GABBR2: variants seen among roughly 807,000 people sequenced by gnomAD.
GABBR2 encodes G-protein coupled receptor 51.
In GABBR2, 23 loss-of-function variants were observed where a neutral mutation model predicts 105.6. The observed-to-expected ratio is 0.22, with a 90% CI of 0.16 to 0.31. The LOEUF is 0.31. Among genes scored for constraint, GABBR2 ranks in the 10% least tolerant of loss-of-function variants. GABBR2 has a pLI of 1.00. For missense variants in GABBR2, 734 were observed against 1,245.5 expected (o/e 0.59, Z 6.18); for synonymous variants, 478 against 499.7 (o/e 0.96, Z 0.58).
intron 17 of GABBR2, among the ~76,000 whole-genome samples, chr9:98,294,569 C>A (rs530378387): frequency 6.6e-6 from 1 of 151,946 alleles, no homozygotes; most frequent in Non-Finnish European, 1.5e-5. Flanking sequence ...ACTTCCACCT[C>A]CCAGGTTCAA....
chr9:98,706,535 A>C (rs1456662275), intron 1 of GABBR2, among the ~76,000 whole-genome samples: 1 of 152,110 alleles, frequency 6.6e-6, no homozygotes, highest in Non-Finnish European at 1.5e-5. Context: ...GGGTCCTTTC[A>C]CTCAGAAAGT....
At chr9:98,652,806 G>C (rs1414069203) in intron 1 of GABBR2, among the ~76,000 whole-genome samples, 3 of 152,264 alleles carry the variant, frequency 2.0e-5, no homozygotes, top group African/African-American at 7.2e-5. Flanking sequence ...GAGGGGCTCT[G>C]AGGTCTGAAC....
At chr9:98,624,795 G>A (rs1328357684) in intron 1 of GABBR2, among the ~76,000 whole-genome samples, 1 of 152,188 alleles carries the variant, frequency 6.6e-6, no homozygotes, top group Non-Finnish European at 1.5e-5. Context: ...TCAGTGGTGG[G>A]CCAGGTAGGA....
At chr9:98,458,559 G>C (rs945326901) in intron 6 of GABBR2, among the ~76,000 whole-genome samples, 2 of 152,126 alleles carry the variant, frequency 1.3e-5, no homozygotes, top group Non-Finnish European at 2.9e-5. Flanking sequence ...CAAAAAGTTA[G>C]CTGCGCGTGG....
chr9:98,703,793 C>T (rs1830861912), intron 1 of GABBR2, among the ~76,000 whole-genome samples: 1 of 134,142 alleles, frequency 7.5e-6, no homozygotes, highest in Non-Finnish European at 1.6e-5. Flanking sequence ...CACACTCAGT[C>T]TATCTTTTTA....
At chr9:98,640,350 C>A (rs1198200023) in intron 1 of GABBR2, among the ~76,000 whole-genome samples, 1 of 152,116 alleles carries the variant, frequency 6.6e-6, no homozygotes, top group Admixed American at 6.6e-5. Context: ...CATTATGAAT[C>A]TCACTCTGCT....
chr9:98,703,552 GCA>G (rs1320307909), intron 1 of GABBR2, among the ~76,000 whole-genome samples: 1 of 152,122 alleles, frequency 6.6e-6, no homozygotes, highest in Non-Finnish European at 1.5e-5. Context: ...GAGTGCAGCA[GCA>G]CAATCACAGC....
At chr9:98,518,715 G>A (rs1827808245) in intron 3 of GABBR2, among the ~76,000 whole-genome samples, 1 of 152,208 alleles carries the variant, frequency 6.6e-6, no homozygotes, top group Admixed American at 6.5e-5. Context: ...GCCAGCCCAG[G>A]TGTCTGGGGG....
At chr9:98,501,009 T>C (rs565810910) in intron 3 of GABBR2, among the ~76,000 whole-genome samples, 1 of 152,182 alleles carries the variant, frequency 6.6e-6, no homozygotes, top group South Asian at 2.1e-4. Flanking sequence ...AGTAAATGAT[T>C]GATAATTGTG....
intron 12 of GABBR2, among the ~76,000 whole-genome samples, chr9:98,368,910 C>T (rs1831729284): frequency 6.6e-6 from 1 of 152,224 alleles, no homozygotes; most frequent in African/African-American, 2.4e-5. Context: ...TCATTAGGGT[C>T]AGGGCGGGGC....
At chr9:98,553,600 A>G (rs989739774) in intron 2 of GABBR2, among the ~76,000 whole-genome samples, 2 of 151,630 alleles carry the variant, frequency 1.3e-5, no homozygotes, top group Admixed American at 6.6e-5. Context: ...CAAAAAGAGG[A>G]AAAAAAAGAG....
intron 1 of GABBR2, among the ~76,000 whole-genome samples, chr9:98,591,306 C>T (rs191465480): frequency 8.3e-4 from 126 of 152,246 alleles, no homozygotes; most frequent in African/African-American, 2.8e-3. Flanking sequence ...AGAGGTCCAT[C>T]GTGTTCACTA....
intron 3 of GABBR2, among the ~76,000 whole-genome samples, chr9:98,503,792 G>A (rs1827450565): frequency 6.6e-6 from 1 of 152,084 alleles, no homozygotes; most frequent in Non-Finnish European, 1.5e-5. Context: ...TGCTGGCTGG[G>A]GCTGCCGTCA....
intron 1 of GABBR2, among the ~76,000 whole-genome samples, chr9:98,701,057 C>T (rs892601123): frequency 6.6e-6 from 1 of 152,238 alleles, no homozygotes; most frequent in East Asian, 1.9e-4. Context: ...ATCCTAGATA[C>T]TATCCATTTA....
intron 13 of GABBR2, among the ~76,000 whole-genome samples, chr9:98,338,420 C>T (rs1418638147): frequency 6.6e-6 from 1 of 152,024 alleles, no homozygotes; most frequent in Non-Finnish European, 1.5e-5. Context: ...TCTTACAACT[C>T]CACAAAAAAC....
intron 3 of GABBR2, chr9:98,538,703 C>G: frequency 2.4e-6 from 1 of 423,368 alleles, no homozygotes; most frequent in Non-Finnish European, 3.2e-6. Context: ...GGATTTCTTT[C>G]ACTTGACATT....
chr9:98,650,422 C>G (rs916738314), intron 1 of GABBR2, among the ~76,000 whole-genome samples: 27 of 152,138 alleles, frequency 1.8e-4, no homozygotes, highest in African/African-American at 6.5e-4. Context: ...GTGCCTGGCA[C>G]ACAATAAGTA....
intron 13 of GABBR2, among the ~76,000 whole-genome samples, chr9:98,346,051 T>A (rs1831298513): frequency 6.6e-6 from 1 of 152,242 alleles, no homozygotes; most frequent in African/African-American, 2.4e-5. Flanking sequence ...AATCTTTTCG[T>A]TAGCGGAGGG....
At chr9:98,503,596 TG>T (rs2131682420) in intron 3 of GABBR2, among the ~76,000 whole-genome samples, 1 of 152,164 alleles carries the variant, frequency 6.6e-6, no homozygotes, top group African/African-American at 2.4e-5. Context: ...GTGATCGGCT[TG>T]GGGGTACATT....
Sources: allele counts gnomAD v4.1 joint callset (sites outside exome capture counted in the v4.1 genomes callset), GRCh38; gene constraint gnomAD v4.1.1; transcripts MANE v1.5; gene names NCBI Gene and HGNC (gene_info 2026-07-23, HGNC 2026-07-21).